Variants in DPP10 observed in about 807,000 individuals in gnomAD.
The protein encoded by DPP10 is inactive dipeptidyl peptidase 10.
A neutral mutation model predicts 120.9 loss-of-function variants in DPP10; 33 were observed. The ratio of observed to expected loss-of-function variants is 0.27; its 90% CI spans 0.21 to 0.37. DPP10 has a LOEUF of 0.37. DPP10 is among the 10% of genes least tolerant of loss of function. The pLI, the probability that DPP10 is intolerant of heterozygous loss-of-function variation, is 1.00. For missense variants in DPP10, 816 were observed against 942.8 expected (o/e 0.87, Z 1.76); for synonymous variants, 337 against 326.1 (o/e 1.03, Z -0.36).
chr2:115,197,644 C>T (rs763148045), intron 1 of DPP10, among the ~76,000 whole-genome samples: 13 of 152,108 alleles, frequency 8.5e-5, no homozygotes, highest in Non-Finnish European at 1.5e-4. Flanking sequence ...TTTTCTGTAA[C>T]GCCTTTAGAG....
chr2:115,050,179 A>G (rs2105339892), intron 1 of DPP10: 1 of 152,320 alleles, frequency 6.6e-6, no homozygotes, highest in Non-Finnish European at 1.5e-5. Flanking sequence ...TGCTGGAGAA[A>G]TTGGGAGACC....
chr2:115,067,316 A>G (rs377736838), intron 1 of DPP10, among the ~76,000 whole-genome samples: 1 of 151,664 alleles, frequency 6.6e-6, no homozygotes, highest in Non-Finnish European at 1.5e-5. Flanking sequence ...CGGTGGCGCC[A>G]TCTCTGCTCA....
intron 5 of DPP10, among the ~76,000 whole-genome samples, chr2:115,648,626 A>G (rs900122772): frequency 5.3e-5 from 8 of 151,826 alleles, no homozygotes; most frequent in African/African-American, 1.7e-4. Flanking sequence ...AAAAAAAAAA[A>G]GAAACATTAA....
At chr2:115,549,791 T>C (rs1305247920) in intron 5 of DPP10, among the ~76,000 whole-genome samples, 1 of 152,182 alleles carries the variant, frequency 6.6e-6, no homozygotes, top group Non-Finnish European at 1.5e-5. Flanking sequence ...TCTACAATGA[T>C]ATGCAAGCTC....
At chr2:115,617,272 T>TATA (rs58444943) in intron 5 of DPP10, among the ~76,000 whole-genome samples, 10,957 of 135,764 alleles carry the variant, frequency 0.081, 663 homozygotes, top group Admixed American at 0.15. Context: ...TATATATTTT[T>TATA]TATATATATA....
chr2:115,423,707 A>G (rs1161286392), intron 3 of DPP10, among the ~76,000 whole-genome samples: 2 of 152,192 alleles, frequency 1.3e-5, no homozygotes, highest in Non-Finnish European at 2.9e-5. Context: ...TAATGTCTCA[A>G]TGTACAGTGA....
intron 17 of DPP10, among the ~76,000 whole-genome samples, chr2:115,784,468 T>C (rs1056385016): frequency 6.6e-6 from 1 of 152,238 alleles, no homozygotes; most frequent in African/African-American, 2.4e-5. Context: ...AAATTTACAT[T>C]ACTAATAAAG....
chr2:115,773,194 A>G (rs1167933856), intron 13 of DPP10, among the ~76,000 whole-genome samples: 1 of 152,180 alleles, frequency 6.6e-6, no homozygotes, highest in Non-Finnish European at 1.5e-5. Flanking sequence ...ATTTTTAAGC[A>G]CTACAATATT....
rs1331581076 is a variant in DPP10, at chr2:114,485,772, AC to A, written c.60+42935del. Among the ~76,000 whole-genome samples, 2 of 151,946 alleles carry A rather than the reference AC, an allele frequency of 1.3e-5. 1 individual carries two copies. Among genetic ancestry groups the A allele is most frequent in the Non-Finnish European group, 2.9e-5 (2 of 68,016 alleles). On this transcript the variant is annotated intron_variant, in intron 1 of 25. Coordinates refer to ENST00000410059, the MANE Select transcript of DPP10 (RefSeq NM_020868.6). ...CTTCTGTGTTGTCCTGCCTTGCATT[AC>A]TAAACTCTCAATCCTACGTGCCTGA...
At chr2:115,766,310 G>GTGTGTATA (rs1371625141) in intron 12 of DPP10, among the ~76,000 whole-genome samples, 2 of 81,744 alleles carry the variant, frequency 2.4e-5, no homozygotes, top group African/African-American at 8.7e-5. Flanking sequence ...GTGTGTGTGT[G>GTGTGTATA]TATATATATA....
At chr2:114,891,536 G>T (rs1261511391) in intron 1 of DPP10, among the ~76,000 whole-genome samples, 1 of 152,208 alleles carries the variant, frequency 6.6e-6, no homozygotes, top group Non-Finnish European at 1.5e-5. Flanking sequence ...CAGACTTGCA[G>T]AAGTATTGTC....
At chr2:114,768,127 C>CAAAA (rs759782705) in intron 1 of DPP10, among the ~76,000 whole-genome samples, 1 of 50,070 alleles carries the variant, frequency 2.0e-5, no homozygotes, top group African/African-American at 6.0e-5. Flanking sequence ...GGCTCTGTCT[C>CAAAA]AAAAAAAAAA....
At chr2:115,239,870 G>A (rs180888217) in intron 1 of DPP10, among the ~76,000 whole-genome samples, 157 of 152,198 alleles carry the variant, frequency 1.0e-3, no homozygotes, top group African/African-American at 3.4e-3. Flanking sequence ...TTCTGTTCCC[G>A]TGTTAGTTTG....
chr2:114,920,882 A>T (rs1051062821), intron 1 of DPP10, among the ~76,000 whole-genome samples: 6 of 152,180 alleles, frequency 3.9e-5, no homozygotes, highest in African/African-American at 1.4e-4. Flanking sequence ...ACCGATGGTG[A>T]TACAGGTAAC....
intron 1 of DPP10, among the ~76,000 whole-genome samples, chr2:114,877,938 G>A (rs190904324): frequency 4.3e-4 from 65 of 152,062 alleles, no homozygotes; most frequent in Non-Finnish European, 8.8e-5. Flanking sequence ...TGTCTCTTTG[G>A]CCATTTTTAA....
intron 1 of DPP10, among the ~76,000 whole-genome samples, chr2:114,658,248 A>G (rs1697110786): frequency 6.6e-6 from 1 of 152,158 alleles, no homozygotes; most frequent in African/African-American, 2.4e-5. Flanking sequence ...GGAAGTATGG[A>G]GATAAAGGAT....
At chr2:114,645,164 G>A (rs553886870) in intron 1 of DPP10, among the ~76,000 whole-genome samples, 17 of 152,294 alleles carry the variant, frequency 1.1e-4, no homozygotes, top group Admixed American at 9.1e-4. Flanking sequence ...ATCTGCCAGA[G>A]TACAGGATTC....
chr2:115,625,190 C>T (rs10175652), intron 5 of DPP10, among the ~76,000 whole-genome samples: 32,837 of 151,858 alleles, frequency 0.22, 4,147 homozygotes, highest in East Asian at 0.39. Context: ...ATGTGGTAAA[C>T]CTAATTTGTG....
intron 2 of DPP10, among the ~76,000 whole-genome samples, chr2:115,329,204 A>C (rs977618649): frequency 1.3e-5 from 2 of 152,058 alleles, no homozygotes; most frequent in Non-Finnish European, 2.9e-5. Flanking sequence ...ATTCTATTTA[A>C]TACAGGCACA....
Sources: allele counts gnomAD v4.1 joint callset (sites outside exome capture counted in the v4.1 genomes callset), GRCh38; gene constraint gnomAD v4.1.1; transcripts MANE v1.5; gene names NCBI Gene and HGNC (gene_info 2026-07-23, HGNC 2026-07-21).